Variants in CMIP observed in about 807,000 individuals in gnomAD.
CMIP encodes C-Maf-inducing protein.
Under a neutral mutation model 97.3 loss-of-function variants are expected in CMIP, and 13 were observed. That is an observed-to-expected ratio of 0.13 (90% CI 0.09 to 0.21). The LOEUF (loss-of-function observed/expected upper bound fraction) is 0.21, where lower values mean the gene tolerates loss of function less well. Ranked by LOEUF, CMIP falls within the 10% of genes least tolerant of loss-of-function variation. The pLI is 1.00. For missense variants in CMIP, 847 were observed against 1,024.9 expected (o/e 0.83, Z 2.37); for synonymous variants, 538 against 436.3 (o/e 1.23, Z -2.91).
chr16:81,479,625 G>T (rs9934612), intron 1 of CMIP, among the ~76,000 whole-genome samples: 10,384 of 152,076 alleles, frequency 0.068, 430 homozygotes, highest in African/African-American at 0.11. Flanking sequence ...TCTGGGTTAT[G>T]ATTATTATTA....
At chr16:81,688,302 A>C (rs941860064) in intron 10 of CMIP, among the ~76,000 whole-genome samples, 1 of 152,206 alleles carries the variant, frequency 6.6e-6, no homozygotes, top group African/African-American at 2.4e-5. Context: ...GGTGAACAGC[A>C]CGGTGCTTCC....
intron 1 of CMIP, among the ~76,000 whole-genome samples, chr16:81,446,089 A>T (rs1447675333): frequency 6.6e-6 from 1 of 152,084 alleles, no homozygotes; most frequent in Non-Finnish European, 1.5e-5. Flanking sequence ...TGGCAGGCAG[A>T]ACGGGGTGCT....
chr16:81,604,288 C>A (rs573816697), intron 1 of CMIP, among the ~76,000 whole-genome samples: 1 of 149,756 alleles, frequency 6.7e-6, no homozygotes, highest in African/African-American at 2.5e-5. Flanking sequence ...CCCAGCTACT[C>A]AGGAGGCTGA....
chr16:81,648,184 C>G (rs1439232558), intron 3 of CMIP, among the ~76,000 whole-genome samples: 4 of 150,666 alleles, frequency 2.7e-5, no homozygotes, highest in African/African-American at 7.3e-5. Context: ...ATCCTCTTCA[C>G]CCGACCATCG....
chr16:81,636,181 A>ATGATTT (rs1205002866), intron 3 of CMIP, among the ~76,000 whole-genome samples: 1 of 109,740 alleles, frequency 9.1e-6, no homozygotes, highest in Non-Finnish European at 2.1e-5. Flanking sequence ...TGTCCTCTGT[A>ATGATTT]TGAATTTTTC....
chr16:81,531,760 C>G (rs1392666286), intron 1 of CMIP, among the ~76,000 whole-genome samples: 1 of 152,190 alleles, frequency 6.6e-6, no homozygotes, highest in East Asian at 1.9e-4. Flanking sequence ...TGGCTTTTCC[C>G]AGACTGGCTG....
chr16:81,528,001 A>C (rs1240565693), intron 1 of CMIP, among the ~76,000 whole-genome samples: 1 of 152,164 alleles, frequency 6.6e-6, no homozygotes, highest in African/African-American at 2.4e-5. Context: ...GAGAAAACCA[A>C]CCTGTTTTCC....
chr16:81,461,983 T>C (rs558767274), intron 1 of CMIP, among the ~76,000 whole-genome samples: 1 of 152,370 alleles, frequency 6.6e-6, no homozygotes, highest in East Asian at 1.9e-4. Context: ...CTCATAAAGA[T>C]GAGGCTAGTT....
chr16:81,694,288 C>T (rs575411429), intron 13 of CMIP, among the ~76,000 whole-genome samples: 1 of 152,296 alleles, frequency 6.6e-6, no homozygotes, highest in East Asian at 1.9e-4. Flanking sequence ...GGTGTGGTAG[C>T]GCCCTAACTC....
intron 1 of CMIP, among the ~76,000 whole-genome samples, chr16:81,507,401 C>G (rs2089729252): frequency 2.6e-5 from 4 of 152,166 alleles, no homozygotes; most frequent in Admixed American, 2.6e-4. Context: ...TTTGAGAAAC[C>G]ATAGGCTAAA....
chr16:81,689,444 C>T (rs1905805860), intron 10 of CMIP, among the ~76,000 whole-genome samples: 1 of 152,214 alleles, frequency 6.6e-6, no homozygotes, highest in South Asian at 2.1e-4. Context: ...CTGTTGGCTG[C>T]ATAAATGTCT....
At chr16:81,485,057 C>A (rs1281204179) in intron 1 of CMIP, among the ~76,000 whole-genome samples, 2 of 152,148 alleles carry the variant, frequency 1.3e-5, no homozygotes, top group African/African-American at 4.8e-5. Context: ...TGTCCTGATG[C>A]CTGACTCCAC....
At chr16:81,515,259 T>C (rs921149598) in intron 1 of CMIP, among the ~76,000 whole-genome samples, 5 of 152,204 alleles carry the variant, frequency 3.3e-5, no homozygotes, top group South Asian at 2.1e-4. Flanking sequence ...CTGAACCCTC[T>C]CACCTGTCAG....
intron 1 of CMIP, among the ~76,000 whole-genome samples, chr16:81,594,021 C>G (rs1389083601): frequency 2.2e-5 from 2 of 92,762 alleles, no homozygotes; most frequent in Admixed American, 1.1e-4. Flanking sequence ...CTTCCTCCCC[C>G]CCTTCTCCTC....
At chr16:81,544,003 C>G (rs1406894958) in intron 1 of CMIP, among the ~76,000 whole-genome samples, 4 of 152,228 alleles carry the variant, frequency 2.6e-5, no homozygotes, top group Non-Finnish European at 5.9e-5. Context: ...TTTATTGCAT[C>G]CACCTGGCAT....
chr16:81,521,842 G>A (rs765657985), intron 1 of CMIP, among the ~76,000 whole-genome samples: 2 of 152,202 alleles, frequency 1.3e-5, no homozygotes, highest in Non-Finnish European at 2.9e-5. Flanking sequence ...TTAGGGAAAG[G>A]AGAAAGGTAT....
At chr16:81,618,740 C>G (rs1041570061) in intron 2 of CMIP, 2 of 152,240 alleles carry the variant, frequency 1.3e-5, no homozygotes, top group Non-Finnish European at 1.5e-5. Flanking sequence ...GCTTGTTGTT[C>G]CAGAGAGCCT....
At chr16:81,603,057 C>A (rs1376057456) in intron 1 of CMIP, among the ~76,000 whole-genome samples, 2 of 151,964 alleles carry the variant, frequency 1.3e-5, no homozygotes, top group East Asian at 3.9e-4. Flanking sequence ...GATAGCACTA[C>A]AGCAGCAGCA....
At chr16:81,633,638 G>A (rs1229365325) in intron 3 of CMIP, among the ~76,000 whole-genome samples, 1 of 152,238 alleles carries the variant, frequency 6.6e-6, no homozygotes, top group African/African-American at 2.4e-5. Context: ...CCAACAGACT[G>A]TTTTGCAGAA....
Sources: allele counts gnomAD v4.1 joint callset (sites outside exome capture counted in the v4.1 genomes callset), GRCh38; gene constraint gnomAD v4.1.1; transcripts MANE v1.5; gene names NCBI Gene and HGNC (gene_info 2026-07-23, HGNC 2026-07-21).